The following SIRPG variants were observed in gnomAD, a reference collection of about 807,000 sequenced individuals.
SIRPG encodes signal regulatory protein gamma.
A neutral mutation model predicts 35.7 loss-of-function variants in SIRPG; 38 were observed. The ratio of observed to expected loss-of-function variants is 1.06; its 90% CI spans 0.82 to 1.40. The LOEUF (loss-of-function observed/expected upper bound fraction) is 1.40. Among genes scored for constraint, SIRPG ranks in the 40% most tolerant of loss-of-function variants. The pLI, the probability that SIRPG is intolerant of heterozygous loss-of-function variation, is 0.00. For synonymous variants in SIRPG, 215 were observed against 190.4 expected, an observed-to-expected ratio of 1.13 and a Z score of -1.06; for missense variants, 519 against 483.0, an observed-to-expected ratio of 1.07 and a Z score of -0.70.
intron 2 of SIRPG, among the ~76,000 whole-genome samples, chr20:1,645,004 C>T (rs1359959519): frequency 4.6e-5 from 7 of 152,182 alleles, no homozygotes; most frequent in Admixed American, 2.0e-4. Flanking sequence ...CCCTGTCCTG[C>T]GTGACATCTT....
At chr20:1,635,829 T>G (rs537015891) in intron 3 of SIRPG, among the ~76,000 whole-genome samples, 1 of 152,288 alleles carries the variant, frequency 6.6e-6, no homozygotes, top group African/African-American at 2.4e-5. Flanking sequence ...AGGCTAAGAA[T>G]GAGTGAAATC....
intron 2 of SIRPG, among the ~76,000 whole-genome samples, chr20:1,640,309 G>T (rs2091842260): frequency 6.6e-6 from 1 of 152,048 alleles, no homozygotes. Flanking sequence ...AGTTCTCCTT[G>T]AAGAGGTCCT....
the SIRPG span, among the ~76,000 whole-genome samples, chr20:1,681,562 TG>T: frequency 1.3e-5 from 2 of 152,162 alleles, no homozygotes; most frequent in Non-Finnish European, 2.9e-5. Flanking sequence ...CCAGGCACAG[TG>T]GCTCAAGCCT....
intron 1 of SIRPG, among the ~76,000 whole-genome samples, chr20:1,656,586 C>CG (rs2091977572): frequency 6.6e-6 from 1 of 152,160 alleles, no homozygotes; most frequent in Non-Finnish European, 1.5e-5. Flanking sequence ...GCCCTGTGAC[C>CG]GGGGGTCAGC....
chr20:1,685,288 T>G, the SIRPG span, among the ~76,000 whole-genome samples: 2 of 152,172 alleles, frequency 1.3e-5, 1 homozygote, highest in Non-Finnish European at 2.9e-5. Context: ...AAAATGCATG[T>G]GTTGAAGCCC....
chr20:1,684,944 ACT>A, the SIRPG span, among the ~76,000 whole-genome samples: 3 of 152,200 alleles, frequency 2.0e-5, no homozygotes, highest in Admixed American at 2.0e-4. Flanking sequence ...AACTCTTACC[ACT>A]GTCATTTGGG....
intron 1 of SIRPG, among the ~76,000 whole-genome samples, chr20:1,653,857 A>G (rs1008437107): frequency 2.6e-5 from 4 of 152,238 alleles, no homozygotes; most frequent in African/African-American, 7.2e-5. Context: ...GCATGGTCAC[A>G]TGAGATTTAT....
chr20:1,631,498 C>T (rs1600189927), intron 4 of SIRPG, among the ~76,000 whole-genome samples: 1 of 152,212 alleles, frequency 6.6e-6, no homozygotes, highest in Non-Finnish European at 1.5e-5. Flanking sequence ...CTCAGCACCT[C>T]GCTCCTCCTA....
chr20:1,668,239 CTTTCTTTCTTTTTCTT>C, the SIRPG span, among the ~76,000 whole-genome samples: 3 of 50,628 alleles, frequency 5.9e-5, no homozygotes, highest in African/African-American at 1.3e-4. Context: ...TTCTTTCTTT[CTTTCTTTCTTTTTCTT>C]TTTCTTTTTC....
At chr20:1,668,068 T>C in the SIRPG span, among the ~76,000 whole-genome samples, 1 of 152,204 alleles carries the variant, frequency 6.6e-6, no homozygotes, top group African/African-American at 2.4e-5. Flanking sequence ...TTGATAATTT[T>C]AATACTTCTG....
At chr20:1,654,083 C>CA (rs1307358614) in intron 1 of SIRPG, among the ~76,000 whole-genome samples, 1 of 151,798 alleles carries the variant, frequency 6.6e-6, no homozygotes, top group African/African-American at 2.4e-5. Flanking sequence ...ACTGAAAATA[C>CA]AAAAAATTAG....
At chr20:1,652,884 A>G (rs2091950011) in intron 1 of SIRPG, among the ~76,000 whole-genome samples, 1 of 152,200 alleles carries the variant, frequency 6.6e-6, no homozygotes, top group African/African-American at 2.4e-5. Context: ...CCATGTTTTT[A>G]TGTCAGATCC....
intron 1 of SIRPG, among the ~76,000 whole-genome samples, chr20:1,656,647 A>G (rs930385914): frequency 4.9e-4 from 75 of 152,114 alleles, no homozygotes; most frequent in African/African-American, 1.8e-3. Flanking sequence ...GGGAGCTGTG[A>G]ACAGGGCTCT....
chr20:1,672,265 C>T, the SIRPG span, among the ~76,000 whole-genome samples: 1 of 151,860 alleles, frequency 6.6e-6, no homozygotes, highest in Non-Finnish European at 1.5e-5. Context: ...CTATCTTTAA[C>T]CCAAATTTCG....
At chr20:1,679,424 G>C in the SIRPG span, among the ~76,000 whole-genome samples, 4 of 152,254 alleles carry the variant, frequency 2.6e-5, no homozygotes, top group Non-Finnish European at 5.9e-5. Flanking sequence ...CTGTGACCTA[G>C]TAGAGTAGTG....
At chr20:1,645,770 T>C (rs929044557) in intron 2 of SIRPG, among the ~76,000 whole-genome samples, 1 of 152,112 alleles carries the variant, frequency 6.6e-6, no homozygotes, top group African/African-American at 2.4e-5. Flanking sequence ...GCCCATGCTC[T>C]CCTAACCACT....
chr20:1,666,157 C>A, the SIRPG span, among the ~76,000 whole-genome samples: 1 of 150,292 alleles, frequency 6.7e-6, no homozygotes, highest in Non-Finnish European at 1.5e-5. Flanking sequence ...TCTAAACTAG[C>A]AAAAACCTCA....
At chr20:1,632,813 G>A (rs2091762065) in intron 4 of SIRPG, among the ~76,000 whole-genome samples, 1 of 151,870 alleles carries the variant, frequency 6.6e-6, no homozygotes, top group East Asian at 1.9e-4. Context: ...AAAGCCTCAA[G>A]TCAATTAAAT....
upstream of SIRPG, among the ~76,000 whole-genome samples, chr20:1,661,241 T>A (rs1212530935): frequency 6.6e-6 from 1 of 152,140 alleles, no homozygotes; most frequent in Non-Finnish European, 1.5e-5. Flanking sequence ...AGTACGACGA[T>A]GATGAGCTGA....
Sources: gnomAD v4.1 joint callset for allele counts (sites outside exome capture counted in the v4.1 genomes callset) on GRCh38, gnomAD v4.1.1 for gene constraint, MANE v1.5 for transcripts, NCBI Gene and HGNC (gene_info 2026-07-23, HGNC 2026-07-21) for gene names.